Variants in KIF1B observed in about 807,000 individuals in gnomAD.
The protein encoded by KIF1B is kinesin-like protein KIF1B.
In KIF1B, 76 loss-of-function variants were observed where a neutral mutation model predicts 241.9. That is an observed-to-expected ratio of 0.31 (90% CI 0.26 to 0.38). The LOEUF is 0.38. KIF1B is among the 10% of genes least tolerant of loss of function. The pLI, the probability that KIF1B is intolerant of heterozygous loss-of-function variation, is 1.00. For synonymous variants in KIF1B, 750 were observed against 796.7 expected (o/e 0.94, Z 0.99); for missense variants, 1,622 against 2,271.4 (o/e 0.71, Z 5.81).
At chr1:10,361,366 A>G (rs1264693946) in intron 39 of KIF1B, among the ~76,000 whole-genome samples, 1 of 152,170 alleles carries the variant, frequency 6.6e-6, no homozygotes, top group East Asian at 1.9e-4. Flanking sequence ...ATAGTGGTTA[A>G]TAGCCCAGAC....
intron 1 of KIF1B, among the ~76,000 whole-genome samples, chr1:10,215,367 G>GTA (rs1315014991): frequency 1.3e-5 from 2 of 150,474 alleles, no homozygotes; most frequent in Non-Finnish European, 3.0e-5. Flanking sequence ...GTAAAGTAGG[G>GTA]GTTTCTCCAT....
At chr1:10,231,248 G>A (rs940013021) in intron 1 of KIF1B, among the ~76,000 whole-genome samples, 10 of 151,946 alleles carry the variant, frequency 6.6e-5, no homozygotes, top group African/African-American at 2.4e-4. Flanking sequence ...AGAAGTTAAA[G>A]GAAATCACTG....
chr1:10,278,683 C>T lies in KIF1B; in HGVS notation c.1181-414C>T, dbSNP rs530067992. On this transcript the variant is annotated intron_variant, in intron 13 of 48. Transcript: ENST00000676179. ...CAATTCCTATGAAGTTCAAGAACTA[C>T]ACTTCCAGAGAGTATTGTTTTACAA... 442 of 183,974 alleles carry T rather than the reference C, an allele frequency of 2.4e-3. 1 individual carries two copies. The highest frequency in any genetic ancestry group is 4.1e-3 in the Non-Finnish European group (356 of 86,418). The allele number at this position is 183,974 out of a possible 1,614,324, so 11.4% of individuals were successfully genotyped here. A position where few individuals can be genotyped will look rare whatever the true frequency, so the allele number is the denominator to read the frequency against.
Position 10,242,342 on chromosome 1 carries a change from G to A in KIF1B, c.106+9908G>A, listed in dbSNP as rs180796223. Among the ~76,000 whole-genome samples the A allele has an allele frequency of 6.0e-4, 92 of 152,188 alleles. 1 individual carries two copies. Among genetic ancestry groups the A allele is most frequent in the African/African-American group, 2.2e-3 (91 of 41,518 alleles). On this transcript the variant is annotated intron_variant, in intron 2 of 48. Transcript: ENST00000676179. ...TACTTACACAAACCTACAGGGCGTAGCCTACTCCATACGTAGGCTCTGTGG... is the reference window on the plus strand; with the variant it reads ...TACTTACACAAACCTACAGGGCGTAACCTACTCCATACGTAGGCTCTGTGG...
chr1:10,287,691 A>G (rs1034500375), intron 15 of KIF1B, among the ~76,000 whole-genome samples: 1 of 152,224 alleles, frequency 6.6e-6, no homozygotes, highest in African/African-American at 2.4e-5. Context: ...GTAAAATTAG[A>G]TAAGTCATAT....
chr1:10,313,742 G>C (rs572541469), intron 22 of KIF1B, among the ~76,000 whole-genome samples: 2 of 150,772 alleles, frequency 1.3e-5, no homozygotes, highest in African/African-American at 5.0e-5. Context: ...AGTAGAGACG[G>C]GGTTTCACCG....
intron 48 of KIF1B, among the ~76,000 whole-genome samples, chr1:10,375,866 G>A (rs1482042616): frequency 6.7e-5 from 9 of 134,582 alleles, no homozygotes; most frequent in Admixed American, 6.2e-4. Context: ...GCATGATATC[G>A]GCTCACCGCA....
At position 10,326,001 on chromosome 1, in the gene KIF1B, T is replaced by C. The variant is rs1013289195; in HGVS notation, c.2676-110T>C. 6 of 1,397,332 alleles carry C rather than the reference T, an allele frequency of 4.3e-6. No homozygotes were observed. Among genetic ancestry groups the C allele is most frequent in the Non-Finnish European group, 4.0e-6 (4 of 992,462 alleles). The allele number at this position is 1,397,332 out of a possible 1,614,324, so 86.6% of individuals were successfully genotyped here. A position where few individuals can be genotyped will look rare whatever the true frequency, so the allele number is the denominator to read the frequency against. On this transcript the variant is annotated intron_variant, in intron 26 of 48. Transcript: ENST00000676179. This position sits in a 1 kb window ranked among gnomAD's most constrained non-coding sequence, Gnocchi z 5.2. ...CCTTTTGCTTTTCCATTTGCTTTTA[T>C]TGTGTTGATTCCCCAGTGGATTCTG...
In KIF1B at chr1:10,296,577, C is replaced by T. The variant is rs567968956; in HGVS notation, c.1778-5C>T. Reference sequence around the variant, plus strand: ...ATAACATTAGTTTGTGTTTGTTCCTCTTAGTTATCGTGACCTTAGAGCCCT... The same window carrying T: ...ATAACATTAGTTTGTGTTTGTTCCTTTTAGTTATCGTGACCTTAGAGCCCT... On this transcript the variant is annotated splice_region_variant and splice_polypyrimidine_tract_variant and intron_variant, in intron 19 of 48. Coordinates refer to ENST00000676179, the MANE Select transcript of KIF1B (RefSeq NM_001365951.3). The T allele has an allele frequency of 5.0e-6, 8 of 1,611,452 alleles. No homozygotes were observed. The African/African-American group carries it at 1.1e-4, about 22-fold the overall frequency.
chr1:10,345,815 A>T, intron 34 of KIF1B, 30 bp from the exon 35 acceptor site: 1 of 1,560,290 alleles, frequency 6.4e-7, no homozygotes, highest in South Asian at 1.1e-5. Context: ...CTTGGACCAG[A>T]TTTTGACATA....
intron 1 of KIF1B, among the ~76,000 whole-genome samples, chr1:10,215,308 C>T (rs1286328739): frequency 6.7e-6 from 1 of 149,780 alleles, no homozygotes; most frequent in Non-Finnish European, 1.5e-5. Context: ...TCCCTAGTAG[C>T]TGGGATTACA....
chr1:10,256,703 A>ATTATT (rs1557668836), intron 3 of KIF1B, among the ~76,000 whole-genome samples: 2 of 145,270 alleles, frequency 1.4e-5, no homozygotes, highest in South Asian at 2.2e-4. Flanking sequence ...TAATAATAAT[A>ATTATT]ATTATTATTA....
intron 17 of KIF1B, 97 bp downstream of exon 17, chr1:10,292,219 C>T: frequency 1.1e-6 from 1 of 876,790 alleles, no homozygotes; most frequent in Non-Finnish European, 1.9e-6. Flanking sequence ...TACTCTCCCC[C>T]TTATTATCTT....
intron 38 of KIF1B, among the ~76,000 whole-genome samples, chr1:10,353,618 A>C (rs1331632077): frequency 6.6e-6 from 1 of 152,164 alleles, no homozygotes; most frequent in Non-Finnish European, 1.5e-5. Flanking sequence ...ATCCATGTTG[A>C]GAGGAGGGAG....
chr1:10,266,418 C>T (rs2102203275), intron 5 of KIF1B, among the ~76,000 whole-genome samples: 1 of 152,286 alleles, frequency 6.6e-6, no homozygotes, highest in African/African-American at 2.4e-5. Flanking sequence ...TCACCATGAT[C>T]GAATGGTCCT....
chr1:10,232,306 A>G lies in KIF1B; in HGVS notation c.-23A>G. The G allele has an allele frequency of 6.7e-7, 1 of 1,482,266 alleles. No individual in the cohort carries two copies. Among genetic ancestry groups the G allele is most frequent in the Non-Finnish European group, 9.4e-7 (1 of 1,062,494 alleles). The allele number at this position is 1,482,266 out of a possible 1,614,324, so 91.8% of individuals were successfully genotyped here. ...GATTCTTTATTTCTGGACTGCATAT[A>G]TATATATAACAAGGCCATTAAAATG... On this transcript the variant is annotated 5_prime_UTR_variant, in exon 2 of 49. It adds an upstream start codon to the 5' untranslated region. Coordinates refer to ENST00000676179, the MANE Select transcript of KIF1B (RefSeq NM_001365951.3).
Position 10,365,729 on chromosome 1 carries a change from C to A in KIF1B, c.4752+81C>A. ...CTCTCGGTTTATTCATTTTCAACAC[C>A]TTTGTTCGAGGTGTTTGAAGGCCTG... On this transcript the variant is annotated intron_variant, in intron 43 of 48. Transcript: ENST00000676179. This position sits in a 1 kb window ranked among gnomAD's most constrained non-coding sequence, Gnocchi z 4.0. The A allele has an allele frequency of 6.3e-7, 1 of 1,585,446 alleles. No homozygotes were observed. The highest frequency in any genetic ancestry group is 8.6e-7 in the Non-Finnish European group (1 of 1,161,510).
chr1:10,376,303 A>G (rs144915100), intron 48 of KIF1B, among the ~76,000 whole-genome samples: 3 of 152,260 alleles, frequency 2.0e-5, no homozygotes, highest in African/African-American at 7.2e-5. Context: ...GATGGGGCTC[A>G]GGGGAGAGAG....
At chr1:10,334,731 A>C in intron 28 of KIF1B, 93 bp downstream of exon 28, 1 of 950,326 alleles carries the variant, frequency 1.1e-6, no homozygotes, top group South Asian at 1.3e-5. Flanking sequence ...TATTACACAT[A>C]CAAACTGTGG....
Sources: allele counts gnomAD v4.1 joint callset (sites outside exome capture counted in the v4.1 genomes callset), GRCh38; gene constraint gnomAD v4.1.1; non-coding constraint Gnocchi (gnomAD v3.1); transcripts MANE v1.5; gene names NCBI Gene and HGNC (gene_info 2026-07-23, HGNC 2026-07-21).